The following ZDHHC17 variants were observed in gnomAD, a reference collection of about 807,000 sequenced individuals.
ZDHHC17 encodes zDHHC palmitoyltransferase 17.
Under a neutral mutation model 90.3 loss-of-function variants are expected in ZDHHC17, and 40 were observed. That is an observed-to-expected ratio of 0.44 (90% CI 0.34 to 0.58). The LOEUF is 0.58. ZDHHC17 is among the 20% of genes least tolerant of loss of function. The pLI, the probability that ZDHHC17 is intolerant of heterozygous loss-of-function variation, is 0.01. For missense variants in ZDHHC17, 614 were observed against 780.8 expected, an observed-to-expected ratio of 0.79 and a Z score of 2.55; for synonymous variants, 235 against 252.4, an observed-to-expected ratio of 0.93 and a Z score of 0.65.
At chr12:76,809,931 T>C in intron 5 of ZDHHC17, 74 bp downstream of exon 5, 2 of 1,489,470 alleles carry the variant, frequency 1.3e-6, no homozygotes, top group Admixed American at 4.0e-5. Flanking sequence ...TTATTGGTGT[T>C]GTAACAAGCC....
At chr12:76,815,305 A>G (rs1486923673) in intron 6 of ZDHHC17, 95 bp downstream of exon 6, 5 of 704,796 alleles carry the variant, frequency 7.1e-6, no homozygotes, top group Non-Finnish European at 1.1e-5. Flanking sequence ...TATACTCACT[A>G]ATATTTACAG....
At chr12:76,801,913 T>TA (rs1952896570) in intron 2 of ZDHHC17, among the ~76,000 whole-genome samples, 1 of 152,220 alleles carries the variant, frequency 6.6e-6, no homozygotes, top group African/African-American at 2.4e-5. Flanking sequence ...ATTACAATAA[T>TA]ACTAGTGCTT....
chr12:76,809,902 A>G (rs558258323), intron 5 of ZDHHC17, 45 bp downstream of exon 5: 4 of 1,572,568 alleles, frequency 2.5e-6, no homozygotes, highest in Middle Eastern at 1.7e-4. Flanking sequence ...GATGTTCTTC[A>G]TAGTTTAAAT....
rs570498741 is a variant in ZDHHC17 at position 76,788,850 on chromosome 12, C to T, written c.94-8584C>T. 2.4e-3 allele frequency among the ~76,000 whole-genome samples: 360 copies of T among 151,884 alleles called. 1 individual carries two copies. Among genetic ancestry groups the T allele is most frequent in the African/African-American group, 8.4e-3 (349 of 41,412 alleles). ...TGGCTGGGATTACAGACATGCACCACCACGCCCAGCTAATTTTGTATTTTT... is the reference window on the plus strand; with the variant it reads ...TGGCTGGGATTACAGACATGCACCATCACGCCCAGCTAATTTTGTATTTTT... On this transcript the variant is annotated intron_variant, in intron 1 of 16. Coordinates refer to ENST00000426126, the MANE Select transcript of ZDHHC17 (RefSeq NM_015336.4).
chr12:76,849,337 A>AAAAG (rs1408979261), intron 15 of ZDHHC17, 39 bp from the exon 16 acceptor site: 5 of 1,127,932 alleles, frequency 4.4e-6, no homozygotes, highest in Non-Finnish European at 6.2e-6. Context: ...AAAAAAAAAA[A>AAAAG]AAAACAAGAA....
chr12:76,788,381 G>A (rs1262913161), intron 1 of ZDHHC17, among the ~76,000 whole-genome samples: 1 of 152,078 alleles, frequency 6.6e-6, no homozygotes, highest in Non-Finnish European at 1.5e-5. Context: ...AATATTTCAT[G>A]AATAGCACTA....
At chr12:76,764,444 G>A in intron 1 of ZDHHC17, 115 bp downstream of exon 1, 1 of 973,982 alleles carries the variant, frequency 1.0e-6, no homozygotes, top group Non-Finnish European at 1.5e-6. Flanking sequence ...CCGAAGTTGG[G>A]GAGGGTGGGG....
chr12:76,822,437 G>GA lies in ZDHHC17; in HGVS notation c.809dup (p.Asn270LysfsTer18), dbSNP rs766490532. The GA allele has an allele frequency of 6.2e-6, 10 of 1,613,178 alleles. No individual in the cohort carries two copies. Among genetic ancestry groups the GA allele is most frequent in the Non-Finnish European group, 7.6e-6 (9 of 1,179,648 alleles). ...TCAGCGCTTGATTTGGCAAAACAGAGAAAAAATGTGTGGATGATCAACCAC... is the reference window on the plus strand; with the variant it reads ...TCAGCGCTTGATTTGGCAAAACAGAGAAAAAAATGTGTGGATGATCAACCAC... On this transcript the variant is annotated frameshift_variant, in exon 8 of 17. Coordinates refer to ENST00000426126, the MANE Select transcript of ZDHHC17 (RefSeq NM_015336.4). LOFTEE classifies it high-confidence loss of function.
intron 14 of ZDHHC17, 112 bp downstream of exon 14, chr12:76,846,791 G>A (rs962940542): frequency 6.5e-5 from 58 of 895,378 alleles, no homozygotes; most frequent in Non-Finnish European, 9.3e-5. Context: ...TAAAATTATG[G>A]TTTGGACACC....
At chr12:76,823,620 C>G (rs1326295611) in intron 8 of ZDHHC17, among the ~76,000 whole-genome samples, 1 of 152,078 alleles carries the variant, frequency 6.6e-6, no homozygotes, top group African/African-American at 2.4e-5. Context: ...TTAGGCTGTT[C>G]TAGTGGCAAT....
intron 1 of ZDHHC17, among the ~76,000 whole-genome samples, chr12:76,765,726 G>A (rs1952422632): frequency 6.6e-6 from 1 of 152,074 alleles, no homozygotes; most frequent in South Asian, 2.1e-4. Flanking sequence ...TTTGAGACGG[G>A]GTTTCTCCCT....
intron 10 of ZDHHC17, among the ~76,000 whole-genome samples, chr12:76,829,750 CTT>C (rs2137788440): frequency 6.6e-6 from 1 of 152,190 alleles, no homozygotes; most frequent in South Asian, 2.1e-4. Flanking sequence ...TGTTTCATCT[CTT>C]TTGCCTTCAT....
At chr12:76,774,662 A>G (rs1404196664) in intron 1 of ZDHHC17, among the ~76,000 whole-genome samples, 1 of 152,204 alleles carries the variant, frequency 6.6e-6, no homozygotes, top group Non-Finnish European at 1.5e-5. Flanking sequence ...GTTAGTAACC[A>G]TATGATCTTG....
At chr12:76,764,496 G>T in intron 1 of ZDHHC17, 167 bp downstream of exon 1, 1 of 660,082 alleles carries the variant, frequency 1.5e-6, no homozygotes, top group East Asian at 2.8e-5. Context: ...CGGATAACGG[G>T]GGAGGAGATA....
chr12:76,825,831 C>T (rs992677662), intron 8 of ZDHHC17, among the ~76,000 whole-genome samples: 20 of 152,012 alleles, frequency 1.3e-4, no homozygotes, highest in Non-Finnish European at 2.4e-4. Flanking sequence ...CTGGGGTTTT[C>T]TTTTTTCTTT....
chr12:76,819,993 TAAAA>T (rs71085459), intron 7 of ZDHHC17, among the ~76,000 whole-genome samples: 35 of 140,758 alleles, frequency 2.5e-4, no homozygotes, highest in East Asian at 4.1e-4. Context: ...AACTATGTCT[TAAAA>T]AAAAAAAAAA....
chr12:76,848,172 G>C, intron 14 of ZDHHC17, 61 bp from the exon 15 acceptor site: 2 of 1,569,456 alleles, frequency 1.3e-6, no homozygotes, highest in Non-Finnish European at 1.7e-6. Context: ...CAGCACAAAT[G>C]CCTATATGAG....
chr12:76,817,793 A>T (rs114694734), intron 7 of ZDHHC17, among the ~76,000 whole-genome samples: 1,847 of 152,246 alleles, frequency 0.012, 28 homozygotes, highest in African/African-American at 0.041. Context: ...TAATGATAAG[A>T]GTAGAGATAT....
intron 10 of ZDHHC17, among the ~76,000 whole-genome samples, chr12:76,829,829 TA>T (rs1197735908): frequency 1.3e-5 from 2 of 152,158 alleles, no homozygotes; most frequent in African/African-American, 4.8e-5. Context: ...GTAGTATACT[TA>T]CCCTATTTAA....
Sources: gnomAD v4.1 joint callset for allele counts (sites outside exome capture counted in the v4.1 genomes callset) on GRCh38, gnomAD v4.1.1 for gene constraint, MANE v1.5 for transcripts, NCBI Gene and HGNC (gene_info 2026-07-23, HGNC 2026-07-21) for gene names.